PDE4D: variants seen among roughly 807,000 people sequenced by gnomAD.
PDE4D encodes 3',5'-cyclic-AMP phosphodiesterase 4D.
In PDE4D, 24 loss-of-function variants were observed where a neutral mutation model predicts 87.4. That is an observed-to-expected ratio of 0.27 (90% CI 0.20 to 0.39). The LOEUF is 0.39. PDE4D is among the 10% of genes least tolerant of loss of function. The probability of loss-of-function intolerance (pLI) is 1.00; values close to 1 mark genes in which losing one functional copy is unlikely to be tolerated. For synonymous variants in PDE4D, 384 were observed against 383.2 expected (o/e 1.00, Z -0.02); for missense variants, 714 against 1,041.0 (o/e 0.69, Z 4.32).
rs1388793262 is a variant in PDE4D at position 58,975,705 on chromosome 5, C to A, written c.1965G>T (p.Glu655Asp). 6.2e-7 allele frequency: 1 copy of A among 1,613,014 alleles called. No individual in the cohort carries two copies. The highest frequency in any genetic ancestry group is 8.5e-7 in the Non-Finnish European group (1 of 1,179,414). ...TGTGCTTGTCACACATGGGGCTTAT[C>A]TCCATGCCACGTTCCCTCTCTCGGT... ...QGDRERERGM[E>D]ISPMCDKHNA... The change falls in exon 14 of 15, where the codon GAG becomes GAT. Residue 655 changes from glutamate (E) to aspartate (D), a missense_variant. Physicochemically the swap from Glu to Asp is conservative, Grantham distance 45. Around this residue, in one of 7 missense-constraint regions of PDE4D, gnomAD observed 97 missense variants for 176.9 expected, o/e 0.55. Transcript: ENST00000340635. The surrounding 1 kb of genome is among the most constrained non-coding windows in gnomAD (Gnocchi z 4.2).
chr5:59,371,546 GGT>G (rs1783942123), intron 1 of PDE4D, among the ~76,000 whole-genome samples: 1 of 152,002 alleles, frequency 6.6e-6, no homozygotes, highest in African/African-American at 2.4e-5. Flanking sequence ...ACTCAGTTAA[GGT>G]GGTTTTTGAT....
At chr5:59,333,178 C>G (rs1561976708) in intron 1 of PDE4D, among the ~76,000 whole-genome samples, 1 of 152,052 alleles carries the variant, frequency 6.6e-6, no homozygotes, top group South Asian at 2.1e-4. Flanking sequence ...ATCCGCGAAT[C>G]CAGTTCTCTA....
chr5:60,154,069 C>T (rs188763792), intron 2 of PDE4D, among the ~76,000 whole-genome samples: 1 of 152,148 alleles, frequency 6.6e-6, no homozygotes, highest in African/African-American at 2.4e-5. Flanking sequence ...AAAAATAACA[C>T]TAAGATTTGT....
At chr5:59,757,186 A>T (rs1343916743) in intron 1 of PDE4D, among the ~76,000 whole-genome samples, 1 of 152,212 alleles carries the variant, frequency 6.6e-6, no homozygotes, top group Non-Finnish European at 1.5e-5. Flanking sequence ...AAAATGACAA[A>T]TAAATGTCAA....
intron 1 of PDE4D, among the ~76,000 whole-genome samples, chr5:59,365,781 C>G (rs924262022): frequency 1.3e-5 from 2 of 152,128 alleles, no homozygotes; most frequent in Non-Finnish European, 2.9e-5. Context: ...GGAAAAATAT[C>G]TCTGTGATCT....
chr5:59,208,529 T>G (rs796785610), intron 2 of PDE4D, among the ~76,000 whole-genome samples: 3 of 152,236 alleles, frequency 2.0e-5, no homozygotes, highest in South Asian at 4.1e-4. Flanking sequence ...ACCATCTCAC[T>G]GTAGCAGTGC....
chr5:59,125,945 G>T (rs2153448450), intron 5 of PDE4D, among the ~76,000 whole-genome samples: 1 of 152,248 alleles, frequency 6.6e-6, no homozygotes, highest in Non-Finnish European at 1.5e-5. Context: ...GAAGGCTCTG[G>T]CTCTGCTTAT....
At chr5:60,475,509 C>G (rs1748241419) in intron 1 of PDE4D, among the ~76,000 whole-genome samples, 1 of 152,112 alleles carries the variant, frequency 6.6e-6, no homozygotes. Flanking sequence ...ACGAAAATGG[C>G]TTTCCATTAA....
At chr5:59,449,513 A>G (rs1043722859) in intron 1 of PDE4D, among the ~76,000 whole-genome samples, 1 of 152,056 alleles carries the variant, frequency 6.6e-6, no homozygotes, top group Non-Finnish European at 1.5e-5. Flanking sequence ...CTTTATATGA[A>G]TTTTTCATAT....
chr5:60,424,226 C>T (rs372525004), intron 1 of PDE4D, among the ~76,000 whole-genome samples: 21 of 152,080 alleles, frequency 1.4e-4, no homozygotes, highest in Admixed American at 3.3e-4. Context: ...AGAGACACAA[C>T]AAAAAAAGAG....
chr5:59,471,535 G>T (rs938205433), intron 1 of PDE4D, among the ~76,000 whole-genome samples: 4 of 152,192 alleles, frequency 2.6e-5, no homozygotes, highest in African/African-American at 9.7e-5. Context: ...CTGACACAGG[G>T]TGCAAAGCAC....
At chr5:59,165,437 C>T (rs756476476) in intron 5 of PDE4D, among the ~76,000 whole-genome samples, 4 of 151,696 alleles carry the variant, frequency 2.6e-5, no homozygotes, top group Admixed American at 6.5e-5. Context: ...CCATGTCTGG[C>T]TAATTTTTTT....
intron 1 of PDE4D, among the ~76,000 whole-genome samples, chr5:59,792,402 CTGTGTGTGTGTG>C (rs3062592): frequency 5.0e-5 from 7 of 138,856 alleles, no homozygotes; most frequent in Non-Finnish European, 9.2e-5. Context: ...CTCCAAGAAG[CTGTGTGTGTGTG>C]TGTGTGTGTG....
At chr5:60,337,163 A>G (rs1757830247) in intron 1 of PDE4D, among the ~76,000 whole-genome samples, 1 of 106,790 alleles carries the variant, frequency 9.4e-6, no homozygotes, top group Non-Finnish European at 1.7e-5. Flanking sequence ...TACTGAAAAT[A>G]CAAAAAAAAA....
chr5:59,216,980 C>T lies in PDE4D; in HGVS notation c.456-1012G>A, dbSNP rs770436721. 4.6e-5 allele frequency among the ~76,000 whole-genome samples: 7 copies of T among 152,102 alleles called. No individual in the cohort carries two copies. The East Asian group carries it at 5.8e-4, about 13-fold the overall frequency. On this transcript the variant is annotated intron_variant, in intron 1 of 14. Transcript: ENST00000340635. ...GAGCTCTCTACAAATGGAGACTCAGCGTATTCTTGGCACATTGAAAACTGT... is the reference window on the plus strand; with the variant it reads ...GAGCTCTCTACAAATGGAGACTCAGTGTATTCTTGGCACATTGAAAACTGT...
At chr5:60,473,333 G>A (rs138125036) in intron 1 of PDE4D, among the ~76,000 whole-genome samples, 167 of 152,156 alleles carry the variant, frequency 1.1e-3, no homozygotes, top group African/African-American at 3.9e-3. Flanking sequence ...TATATTTTGG[G>A]ACAACTGGTG....
intron 1 of PDE4D, among the ~76,000 whole-genome samples, chr5:59,779,798 C>T (rs1366194721): frequency 2.0e-5 from 3 of 152,130 alleles, no homozygotes; most frequent in East Asian, 1.9e-4. Context: ...TCTTGCAAAA[C>T]GCATTGGGAA....
chr5:60,399,075 C>A (rs868731917), intron 1 of PDE4D, among the ~76,000 whole-genome samples: 4 of 152,178 alleles, frequency 2.6e-5, no homozygotes, highest in Middle Eastern at 3.2e-3. Flanking sequence ...ATCTAAGCCC[C>A]ACTTAAATAA....
intron 5 of PDE4D, among the ~76,000 whole-genome samples, chr5:59,178,186 T>C (rs936850131): frequency 6.6e-6 from 1 of 152,140 alleles, no homozygotes. Flanking sequence ...AAGGGGAACC[T>C]TCCCCTGCTA....
Sources: gnomAD v4.1 joint callset for allele counts (sites outside exome capture counted in the v4.1 genomes callset) on GRCh38, gnomAD v4.1.1 for gene constraint, gnomAD v4.1.1 regional missense constraint, Gnocchi (gnomAD v3.1) non-coding constraint, MANE v1.5 for transcripts, NCBI Gene and HGNC (gene_info 2026-07-23, HGNC 2026-07-21) for gene names.